Variants in KREMEN1 observed in about 807,000 individuals in gnomAD.
KREMEN1 encodes kringle containing transmembrane protein 1, also known as kremen protein 1.
A neutral mutation model predicts 46.5 loss-of-function variants in KREMEN1; 30 were observed. The observed-to-expected ratio is 0.65, with a 90% CI of 0.48 to 0.88. KREMEN1 has a LOEUF of 0.88. Among genes scored for constraint, KREMEN1 ranks in the 40% least tolerant of loss-of-function variants. The probability of loss-of-function intolerance (pLI) is 0.00; values close to 1 mark genes in which losing one functional copy is unlikely to be tolerated. For missense variants in KREMEN1, 533 were observed against 596.9 expected, an observed-to-expected ratio of 0.89 and a Z score of 1.11; for synonymous variants, 214 against 230.6, an observed-to-expected ratio of 0.93 and a Z score of 0.65.
At chr22:29,098,978 T>C (rs769041065) in intron 3 of KREMEN1, 25 bp downstream of exon 3, 3 of 1,531,660 alleles carry the variant, frequency 2.0e-6, no homozygotes, top group Non-Finnish European at 2.7e-6. Flanking sequence ...CCCAATGTGA[T>C]GGTTTACAGG....
Position 29,125,194 on chromosome 22 carries a change from G to T in KREMEN1, c.478-69G>T, listed in dbSNP as rs142371274. On this transcript the variant is annotated intron_variant, in intron 4 of 8. Transcript: ENST00000400335. Reference sequence around the variant, plus strand: ...TGATTGCTTGCTGGAAGCCCACCCTGCCAGGCTCCTTCAGGCCATCTGACA... The same window carrying T: ...TGATTGCTTGCTGGAAGCCCACCCTTCCAGGCTCCTTCAGGCCATCTGACA... 1.5e-4 allele frequency: 240 copies of T among 1,570,702 alleles called. 2 individuals are homozygous for T. The East Asian group carries it at 5.4e-3, about 35-fold the overall frequency.
intron 3 of KREMEN1, among the ~76,000 whole-genome samples, chr22:29,102,632 C>T (rs2037994961): frequency 6.6e-6 from 1 of 152,118 alleles, no homozygotes; most frequent in Non-Finnish European, 1.5e-5. Flanking sequence ...TTCATGTGGT[C>T]ATTGAAACCA....
chr22:29,130,971 T>C (rs917931307), intron 5 of KREMEN1, among the ~76,000 whole-genome samples: 1 of 152,258 alleles, frequency 6.6e-6, no homozygotes, highest in Non-Finnish European at 1.5e-5. Context: ...CTGAATTAAA[T>C]ATGCTGTCAG....
intron 4 of KREMEN1, among the ~76,000 whole-genome samples, chr22:29,123,518 G>C (rs181642571): frequency 6.6e-6 from 1 of 152,192 alleles, no homozygotes; most frequent in African/African-American, 2.4e-5. Context: ...TCATCTGGGC[G>C]TGGTGGCTCA....
rs114044605 is a variant in KREMEN1, at chr22:29,103,501, A to G, written c.352+4548A>G. Among the ~76,000 whole-genome samples, 1,242 of 152,320 alleles carry G rather than the reference A, an allele frequency of 8.2e-3. 16 individuals carry two copies. The highest frequency in any genetic ancestry group is 0.028 in the African/African-American group (1,164 of 41,570). The stretch of plus-strand genomic sequence containing the variant: ...CTGTTAAAAGAACAACTCGGAGGTA[A>G]TTGGATTTGCCCCTGAAACTGCTTT... On this transcript the variant is annotated intron_variant, in intron 3 of 8. Coordinates refer to ENST00000400335, the MANE Select transcript of KREMEN1 (RefSeq NM_001039570.3).
At chr22:29,159,134 T>G (rs34406852) in intron 9 of KREMEN1, among the ~76,000 whole-genome samples, 2,799 of 140,250 alleles carry the variant, frequency 0.02, 58 homozygotes, top group Non-Finnish European at 0.025. Flanking sequence ...GTTTTTTTTT[T>G]TTTTTTTTTT....
chr22:29,100,942 A>G (rs989317034), intron 3 of KREMEN1, among the ~76,000 whole-genome samples: 1 of 152,204 alleles, frequency 6.6e-6, no homozygotes, highest in African/African-American at 2.4e-5. Context: ...AATATAATAG[A>G]AAAAACCTTA....
At chr22:29,131,560 A>ATATATATATGTGTG (rs1240832937) in intron 5 of KREMEN1, among the ~76,000 whole-genome samples, 8 of 69,936 alleles carry the variant, frequency 1.1e-4, no homozygotes, top group East Asian at 9.9e-4. Context: ...ATATATATAT[A>ATATATATATGTGTG]TGTGTGTGTG....
At chr22:29,139,903 G>T (rs1264377496) in intron 7 of KREMEN1, among the ~76,000 whole-genome samples, 1 of 152,186 alleles carries the variant, frequency 6.6e-6, no homozygotes, top group East Asian at 1.9e-4. Context: ...GCATCTCATA[G>T]GTCACATATC....
intron 2 of KREMEN1, among the ~76,000 whole-genome samples, chr22:29,096,386 C>T (rs190327318): frequency 4.6e-5 from 7 of 152,244 alleles, no homozygotes; most frequent in African/African-American, 1.4e-4. Flanking sequence ...TTTTAAGTTT[C>T]CAGTGAGGCC....
At chr22:29,149,827 G>A (rs1742980539), downstream of KREMEN1, among the ~76,000 whole-genome samples, 3 of 152,240 alleles carry the variant, frequency 2.0e-5, no homozygotes, top group East Asian at 1.9e-4. Context: ...TCCACCACCC[G>A]GGAGCCAGCA....
intron 5 of KREMEN1, among the ~76,000 whole-genome samples, chr22:29,125,857 G>C (rs780213368): frequency 5.9e-5 from 9 of 151,910 alleles, no homozygotes; most frequent in Admixed American, 1.3e-4. Context: ...GTAGCTCTAA[G>C]TTGTTTTTTC....
chr22:29,153,940 C>T (rs2038939095), intron 9 of KREMEN1, among the ~76,000 whole-genome samples: 1 of 149,562 alleles, frequency 6.7e-6, no homozygotes, highest in African/African-American at 2.5e-5. Flanking sequence ...TCACTGCACT[C>T]CAGCCTGGGT....
intron 3 of KREMEN1, among the ~76,000 whole-genome samples, chr22:29,120,767 G>C (rs1011600899): frequency 6.7e-6 from 1 of 150,178 alleles, no homozygotes; most frequent in Non-Finnish European, 1.5e-5. Flanking sequence ...CTAACACCTT[G>C]AGTTTAGACC....
At chr22:29,167,219 C>T (rs543105886) in exon 10 of KREMEN1, 67 of 889,588 alleles carry the variant, frequency 7.5e-5, no homozygotes, top group South Asian at 7.5e-4. Flanking sequence ...TCTGGCCCAG[C>T]GTGGTGGTTC....
At chr22:29,149,954 C>G (rs1248674765), downstream of KREMEN1, among the ~76,000 whole-genome samples, 1 of 152,238 alleles carries the variant, frequency 6.6e-6, no homozygotes, top group South Asian at 2.1e-4. Flanking sequence ...ACATGACCAT[C>G]TTCTTTCCCC....
intron 5 of KREMEN1, among the ~76,000 whole-genome samples, chr22:29,131,696 A>ATG (rs1329441775): frequency 8.3e-6 from 1 of 119,952 alleles, no homozygotes; most frequent in Non-Finnish European, 1.7e-5. Flanking sequence ...ACATGTATAT[A>ATG]TGTGTATATA....
chr22:29,120,498 T>TG (rs1569326050), intron 3 of KREMEN1, among the ~76,000 whole-genome samples: 1 of 96,354 alleles, frequency 1.0e-5, no homozygotes, highest in Non-Finnish European at 2.0e-5. Context: ...GGAGAGGTGA[T>TG]AAAGGAAACG....
At chr22:29,141,795 G>A in intron 8 of KREMEN1, 149 bp from the exon 9 acceptor site, 1 of 504,980 alleles carries the variant, frequency 2.0e-6, no homozygotes, top group Non-Finnish European at 3.3e-6. Context: ...CATTTCAGTT[G>A]CACGCTAGTC....
Sources: allele counts gnomAD v4.1 joint callset (sites outside exome capture counted in the v4.1 genomes callset), GRCh38; gene constraint gnomAD v4.1.1; transcripts MANE v1.5; gene names NCBI Gene and HGNC (gene_info 2026-07-23, HGNC 2026-07-21).